Variants in PTPRK observed in about 807,000 individuals in gnomAD.
The protein encoded by PTPRK is receptor-type tyrosine-protein phosphatase kappa.
Under a neutral mutation model 178.0 loss-of-function variants are expected in PTPRK, and 75 were observed. The ratio of observed to expected loss-of-function variants is 0.42; its 90% CI spans 0.35 to 0.51. The LOEUF is 0.51. Among genes scored for constraint, PTPRK ranks in the 20% least tolerant of loss-of-function variants. The pLI is 0.02. For missense variants in PTPRK, 1,441 were observed against 1,797.8 expected (o/e 0.80, Z 3.59); for synonymous variants, 637 against 620.6 (o/e 1.03, Z -0.39).
Position 128,065,899 on chromosome 6 carries a change from A to G in PTPRK, c.2158-1105T>C, listed in dbSNP as rs185230166. The stretch of plus-strand genomic sequence containing the variant: ...AATCTCTACTTGTAGAAGTCACATC[A>G]ACTTTAAAACTCTTTGCCAAGATAA... On this transcript the variant is annotated intron_variant, in intron 12 of 29. Transcript: ENST00000368226. 1.3e-3 allele frequency among the ~76,000 whole-genome samples: 205 copies of G among 152,310 alleles called. 1 individual carries two copies. Among genetic ancestry groups the G allele is most frequent in the Non-Finnish European group, 2.6e-3 (176 of 68,030 alleles).
chr6:128,287,385 C>T (rs1822675396), intron 3 of PTPRK, among the ~76,000 whole-genome samples: 1 of 152,150 alleles, frequency 6.6e-6, no homozygotes, highest in African/African-American at 2.4e-5. Context: ...CCCTTTTATC[C>T]TCTGTTTCAT....
chr6:128,011,673 G>C (rs1779076651), intron 13 of PTPRK, among the ~76,000 whole-genome samples: 1 of 151,034 alleles, frequency 6.6e-6, no homozygotes, highest in Admixed American at 6.6e-5. Context: ...ACTGACATGA[G>C]GGTGATGGGT....
intron 7 of PTPRK, among the ~76,000 whole-genome samples, chr6:128,175,637 C>T (rs1800947661): frequency 6.6e-6 from 1 of 151,686 alleles, no homozygotes; most frequent in South Asian, 2.1e-4. Context: ...AACTAAAATA[C>T]TCCCAGGAAC....
intron 13 of PTPRK, among the ~76,000 whole-genome samples, chr6:128,059,206 T>A (rs927696685): frequency 3.3e-5 from 5 of 151,910 alleles, no homozygotes; most frequent in Admixed American, 3.3e-4. Flanking sequence ...TTGATTGCTT[T>A]AAATCTACAC....
chr6:128,504,260 G>A (rs1365535282), intron 1 of PTPRK, among the ~76,000 whole-genome samples: 1 of 152,048 alleles, frequency 6.6e-6, no homozygotes, highest in African/African-American at 2.4e-5. Context: ...TCTGTCCCCT[G>A]CCCTTTACTT....
intron 1 of PTPRK, among the ~76,000 whole-genome samples, chr6:128,426,414 T>C (rs1287854650): frequency 6.6e-6 from 1 of 152,222 alleles, no homozygotes; most frequent in Non-Finnish European, 1.5e-5. Context: ...TTTACAGTAT[T>C]TTATTCAATC....
chr6:128,482,277 AT>A (rs1345260738), intron 1 of PTPRK, among the ~76,000 whole-genome samples: 1 of 152,162 alleles, frequency 6.6e-6, no homozygotes, highest in Non-Finnish European at 1.5e-5. Flanking sequence ...TTGGAAATAC[AT>A]TTCGGAGTTG....
intron 1 of PTPRK, among the ~76,000 whole-genome samples, chr6:128,509,356 T>A (rs1055454734): frequency 6.6e-6 from 1 of 152,208 alleles, no homozygotes; most frequent in African/African-American, 2.4e-5. Context: ...GATACATGAT[T>A]GCAGAATCAC....
At chr6:128,069,288 T>C (rs1014361347) in intron 11 of PTPRK, among the ~76,000 whole-genome samples, 7 of 152,128 alleles carry the variant, frequency 4.6e-5, no homozygotes, top group African/African-American at 1.7e-4. Context: ...AAATTGTGAT[T>C]TGAGCAAGCA....
rs150910358 is a variant in PTPRK at position 128,155,832 on chromosome 6, T to A, written c.1162+28600A>T. On this transcript the variant is annotated intron_variant, in intron 7 of 29. Transcript: ENST00000368226. ...TTATGAGATGTTTCAAGCTCTAGTA[T>A]ATACCTGGTTCAAATGTGGTATCAG... Among the ~76,000 whole-genome samples the A allele has an allele frequency of 6.3e-4, 95 of 151,938 alleles. No individual in the cohort carries two copies. In the East Asian group the frequency reaches 7.6e-3, roughly 12 times the overall value.
chr6:128,367,643 G>A (rs953523281), intron 2 of PTPRK, among the ~76,000 whole-genome samples: 26 of 152,042 alleles, frequency 1.7e-4, no homozygotes, highest in Admixed American at 9.2e-4. Flanking sequence ...ACTAATCTCC[G>A]AATCAAGTGT....
intron 3 of PTPRK, among the ~76,000 whole-genome samples, chr6:128,260,812 C>T: frequency 6.6e-6 from 1 of 152,056 alleles, no homozygotes; most frequent in Non-Finnish European, 1.5e-5. Flanking sequence ...TTAGAAGATG[C>T]TGCAAAAATA....
At chr6:128,265,230 TATC>T (rs1401718910) in intron 3 of PTPRK, among the ~76,000 whole-genome samples, 1 of 152,174 alleles carries the variant, frequency 6.6e-6, no homozygotes, top group African/African-American at 2.4e-5. Flanking sequence ...CTACTCCGTA[TATC>T]ATCATATCAC....
intron 1 of PTPRK, among the ~76,000 whole-genome samples, 184 bp from the exon 2 acceptor site, chr6:128,397,872 T>C (rs983157347): frequency 3.3e-5 from 5 of 152,210 alleles, no homozygotes; most frequent in Admixed American, 6.5e-5. Flanking sequence ...ATCAGTACTT[T>C]CTGTTTGAAA....
At chr6:128,342,952 G>A (rs541810231) in intron 2 of PTPRK, among the ~76,000 whole-genome samples, 31 of 151,808 alleles carry the variant, frequency 2.0e-4, no homozygotes, top group Non-Finnish European at 8.8e-5. Context: ...TTAAAGAACA[G>A]GTTTATTACA....
At chr6:128,223,455 C>T (rs1810762983) in intron 5 of PTPRK, among the ~76,000 whole-genome samples, 1 of 151,742 alleles carries the variant, frequency 6.6e-6, no homozygotes, top group Non-Finnish European at 1.5e-5. Flanking sequence ...TTAAACTCAT[C>T]CAGGCAAGAT....
At chr6:128,125,589 C>T (rs1372797262) in intron 7 of PTPRK, among the ~76,000 whole-genome samples, 1 of 147,824 alleles carries the variant, frequency 6.8e-6, no homozygotes, top group Non-Finnish European at 1.5e-5. Flanking sequence ...AATACACTTG[C>T]CTTTGGGCTT....
chr6:128,001,474 C>A (rs1258684755), intron 15 of PTPRK, among the ~76,000 whole-genome samples: 2 of 151,930 alleles, frequency 1.3e-5, no homozygotes, highest in Non-Finnish European at 2.9e-5. Context: ...ATTTTTAAAA[C>A]CAGCTTGACT....
intron 3 of PTPRK, among the ~76,000 whole-genome samples, chr6:128,244,109 C>T (rs1229075444): frequency 6.6e-6 from 1 of 152,070 alleles, no homozygotes; most frequent in East Asian, 1.9e-4. Context: ...TGTCAGGATT[C>T]CTTCTCAGGA....
Sources: gnomAD v4.1 joint callset for allele counts (sites outside exome capture counted in the v4.1 genomes callset) on GRCh38, gnomAD v4.1.1 for gene constraint, MANE v1.5 for transcripts, NCBI Gene and HGNC (gene_info 2026-07-23, HGNC 2026-07-21) for gene names.